NOS1: variants seen among roughly 807,000 people sequenced by gnomAD.
NOS1 encodes nitric oxide synthase 1.
NOS1 carries 51 observed loss-of-function variants against 164.5 expected under a neutral mutation model. The ratio of observed to expected loss-of-function variants is 0.31; its 90% CI spans 0.25 to 0.39. NOS1 has a LOEUF of 0.39. NOS1 is among the 10% of genes least tolerant of loss of function. The probability of loss-of-function intolerance (pLI) is 1.00; values close to 1 mark genes in which losing one functional copy is unlikely to be tolerated. For synonymous variants in NOS1, 719 were observed against 745.8 expected, an observed-to-expected ratio of 0.96 and a Z score of 0.59; for missense variants, 1,362 against 1,885.6, an observed-to-expected ratio of 0.72 and a Z score of 5.14.
chr12:117,328,696 C>T (rs1875379639), intron 2 of NOS1, among the ~76,000 whole-genome samples: 1 of 152,242 alleles, frequency 6.6e-6, no homozygotes, highest in South Asian at 2.1e-4. Flanking sequence ...GCCTGAGTAG[C>T]TGCGACTACA....
intron 13 of NOS1, among the ~76,000 whole-genome samples, chr12:117,262,491 GA>G (rs1470901454): frequency 0.012 from 1,641 of 141,812 alleles, 45 homozygotes; most frequent in African/African-American, 0.044. Flanking sequence ...GGGAGGGGGA[GA>G]GAGAGAGAGA....
At chr12:117,320,038 T>C (rs1199065991) in intron 2 of NOS1, among the ~76,000 whole-genome samples, 9 of 152,208 alleles carry the variant, frequency 5.9e-5, no homozygotes, top group Non-Finnish European at 5.9e-5. Context: ...GCAAGGTCAG[T>C]GGACTTAGTC....
chr12:117,326,931 G>A (rs1488559595), intron 2 of NOS1, among the ~76,000 whole-genome samples: 6 of 152,238 alleles, frequency 3.9e-5, no homozygotes, highest in African/African-American at 1.4e-4. Flanking sequence ...AGGATCAAAC[G>A]AACTCCCTGG....
intron 22 of NOS1, among the ~76,000 whole-genome samples, chr12:117,228,558 C>T (rs550462177): frequency 1.7e-4 from 26 of 152,150 alleles, no homozygotes; most frequent in Admixed American, 7.9e-4. Flanking sequence ...TGTTTGGGGA[C>T]GTGTTGACAG....
chr12:117,278,465 G>A (rs987899928), intron 8 of NOS1, among the ~76,000 whole-genome samples: 2 of 152,180 alleles, frequency 1.3e-5, no homozygotes, highest in Admixed American at 6.5e-5. Context: ...TTCCCAGAGG[G>A]CAAGGGCTGA....
chr12:117,209,203 G>A lies in NOS1; in HGVS notation c.*6106C>T, dbSNP rs1956491078. ...AGCCAGCAGAGATTCTCTTGACCCT[G>A]AAGTCCAAGAGAGGGGTGTTGCCCC... On this transcript the variant is annotated 3_prime_UTR_variant, in exon 29 of 29. Coordinates refer to ENST00000317775, the MANE Select transcript of NOS1 (RefSeq NM_000620.5). 1.0e-6 allele frequency: 1 copy of A among 985,374 alleles called. No homozygotes were observed. The highest frequency in any genetic ancestry group is 6.1e-5 in the Admixed American group (1 of 16,270). The allele number at this position is 985,374 out of a possible 1,614,324, so 61.0% of individuals were successfully genotyped here.
intron 2 of NOS1, among the ~76,000 whole-genome samples, chr12:117,312,652 G>A (rs1457135241): frequency 4.6e-5 from 7 of 151,676 alleles, no homozygotes; most frequent in African/African-American, 1.7e-4. Context: ...CGAACTCCTT[G>A]GTTCAAGTGG....
chr12:117,332,595 T>C (rs916496830), intron 1 of NOS1, among the ~76,000 whole-genome samples: 4 of 151,720 alleles, frequency 2.6e-5, no homozygotes, highest in Non-Finnish European at 2.9e-5. Flanking sequence ...CCGGTCACAG[T>C]GCCTCACACC....
chr12:117,256,656 G>C (rs1282861887), intron 16 of NOS1, among the ~76,000 whole-genome samples: 1 of 152,140 alleles, frequency 6.6e-6, no homozygotes, highest in East Asian at 1.9e-4. Flanking sequence ...AAGACACAGG[G>C]ATCTGCTTGC....
intron 10 of NOS1, among the ~76,000 whole-genome samples, chr12:117,269,927 C>A (rs1566050595): frequency 1.3e-5 from 2 of 152,190 alleles, no homozygotes; most frequent in Admixed American, 6.5e-5. Flanking sequence ...CTCCATCTGA[C>A]ACATGGGGAA....
rs35484983 is a variant in NOS1, at chr12:117,356,504, T to C, written c.-421+5008A>G. On this transcript the variant is annotated intron_variant, in intron 1 of 28. Transcript: ENST00000317775. This position sits in a 1 kb window ranked among gnomAD's most constrained non-coding sequence, Gnocchi z 4.2. ...GAAACTTCACGCCAGGTACAGGGTT[T>C]GTCTGGTGCTCACCGCTTAGCCAGA... Among the ~76,000 whole-genome samples the C allele has an allele frequency of 0.2, 29,693 of 152,202 alleles. 3,108 individuals carry two copies. Among genetic ancestry groups the C allele is most frequent in the Admixed American group, 0.25 (3,775 of 15,288 alleles).
rs56004169 is a variant in NOS1, at chr12:117,330,329, C to CACAA, written c.725+15_725+16insTTGT. On this transcript the variant is annotated intron_variant, in intron 2 of 28. Transcript: ENST00000317775. The surrounding 1 kb of genome is among the most constrained non-coding windows in gnomAD (Gnocchi z 4.6). ...ACACACACACACACACACACACACA[C>CACAA]CCCTGTGGAGCTTACCTGTCCACCT... 3 of 1,597,368 alleles carry CACAA rather than the reference C, an allele frequency of 1.9e-6. No homozygotes were observed. Among genetic ancestry groups the CACAA allele is most frequent in the African/African-American group, 1.4e-5 (1 of 73,978 alleles).
chr12:117,302,832 G>A (rs1419776551), intron 3 of NOS1, among the ~76,000 whole-genome samples: 1 of 151,112 alleles, frequency 6.6e-6, no homozygotes, highest in Non-Finnish European at 1.5e-5. Flanking sequence ...TGCAACCTCC[G>A]CCTCCCAGGT....
intron 9 of NOS1, among the ~76,000 whole-genome samples, chr12:117,276,458 T>C (rs1163788583): frequency 1.3e-5 from 2 of 152,228 alleles, no homozygotes; most frequent in Non-Finnish European, 2.9e-5. Flanking sequence ...AATTTTTGTA[T>C]TTTTAGTAGA....
At chr12:117,227,748 C>T in intron 22 of NOS1, 107 bp from the exon 23 acceptor site, 4 of 993,814 alleles carry the variant, frequency 4.0e-6, no homozygotes, top group Non-Finnish European at 6.3e-6. Context: ...TAACAGTTGG[C>T]AGGTGCAGTG....
At chr12:117,260,068 G>A (rs1285079415) in intron 14 of NOS1, among the ~76,000 whole-genome samples, 1 of 148,836 alleles carries the variant, frequency 6.7e-6, no homozygotes, top group African/African-American at 2.5e-5. Flanking sequence ...GCAGTGAGCC[G>A]AGATCGCGCC....
At chr12:117,215,869 CTTTTTTTTTTTT>C (rs34665031) in intron 28 of NOS1, among the ~76,000 whole-genome samples, 3 of 85,426 alleles carry the variant, frequency 3.5e-5, no homozygotes, top group East Asian at 6.9e-4. Flanking sequence ...TTTAAAAGGA[CTTTTTTTTTTTT>C]TTTTTTTTTT....
chr12:117,323,626 A>G (rs1316576563), intron 2 of NOS1, among the ~76,000 whole-genome samples: 2 of 152,192 alleles, frequency 1.3e-5, no homozygotes, highest in East Asian at 3.9e-4. Flanking sequence ...CTAGTGCTCC[A>G]TAGAGATTGA....
intron 7 of NOS1, among the ~76,000 whole-genome samples, chr12:117,281,872 C>T (rs535906514): frequency 2.9e-4 from 44 of 151,974 alleles, no homozygotes; most frequent in South Asian, 8.3e-4. Context: ...TACAGAATCC[C>T]GATTCCAGTC....
Sources: gnomAD v4.1 joint callset for allele counts (sites outside exome capture counted in the v4.1 genomes callset) on GRCh38, gnomAD v4.1.1 for gene constraint, Gnocchi (gnomAD v3.1) non-coding constraint, MANE v1.5 for transcripts, NCBI Gene and HGNC (gene_info 2026-07-23, HGNC 2026-07-21) for gene names.